Variants in GOLGA2 observed in about 807,000 individuals in gnomAD.
GOLGA2 encodes the protein golgin subfamily A member 2.
GOLGA2 carries 49 observed loss-of-function variants against 148.8 expected under a neutral mutation model. The ratio of observed to expected loss-of-function variants is 0.33; its 90% confidence interval spans 0.26 to 0.42. The LOEUF is 0.42. GOLGA2 is among the 10% of genes least tolerant of loss of function. The pLI, the probability that GOLGA2 is intolerant of heterozygous loss-of-function variation, is 1.00. For synonymous variants in GOLGA2, 501 were observed against 511.8 expected (o/e 0.98, Z 0.28); for missense variants, 1,178 against 1,304.6 (o/e 0.90, Z 1.49).
chr9:128,267,254 C>T lies in GOLGA2; in HGVS notation c.582G>A (p.Ala194=), dbSNP rs768113142. 8 of 1,610,422 alleles carry T rather than the reference C, an allele frequency of 5.0e-6. No individual in the cohort carries two copies. Among genetic ancestry groups the T allele is most frequent in the African/African-American group, 1.3e-5 (1 of 74,824 alleles). Residue 194 remains alanine, a synonymous_variant, in exon 8 of 27, where the codon GCG becomes GCA. Coordinates refer to ENST00000611957, the MANE Select transcript of GOLGA2 (RefSeq NM_001366244.2). ...TTACATAGCTGGAGTCCAGGGCTAC[C>T]GCTAGCTGTTGGTACCGGCTCTGAG... ...KDLESRYQQL[A]VALDSSYVTN... is the part of the protein sequence containing the mutation.
chr9:128,275,508 G>A, intron 1 of GOLGA2: 1 of 1,310,998 alleles, frequency 7.6e-7, no homozygotes, highest in Non-Finnish European at 9.8e-7. Context: ...TGAGGGTCGA[G>A]TCTGGAGCGG....
Position 128,265,711 on chromosome 9 carries a change from G to C in GOLGA2, c.827-20C>G, listed in dbSNP as rs1328873786. On this transcript the variant is annotated intron_variant, in intron 11 of 26. Transcript: ENST00000611957. ...ACTCTCCTGGAATGAGAGAGGTTGA[G>C]ATGGGGCCCAAAGGACTCCCCCTAA... 5.6e-6 allele frequency: 9 copies of C among 1,612,194 alleles called. 1 individual carries two copies. In the Middle Eastern group the frequency reaches 4.9e-4, roughly 88 times the overall value.
chr9:128,263,543 A>G (rs942943523), intron 12 of GOLGA2, among the ~76,000 whole-genome samples: 2 of 151,744 alleles, frequency 1.3e-5, no homozygotes, highest in Non-Finnish European at 2.9e-5. Context: ...TCAGCCTCCT[A>G]AGTAGCTGGG....
In GOLGA2 at chr9:128,262,084, C is replaced by CCAACTACTTGAGAGACTA. The variant is rs1436498344; in HGVS notation, c.1135-328_1135-327insTAGTCTCTCAAGTAGTTG. 6 of 298,278 alleles carry CCAACTACTTGAGAGACTA rather than the reference C, an allele frequency of 2.0e-5. No individual in the cohort carries two copies. In the Admixed American group the frequency reaches 2.4e-4, roughly 12 times the overall value. 18.5% of individuals were successfully genotyped at this position (298,278 alleles called of 1,614,324 possible). On this transcript the variant is annotated intron_variant, in intron 14 of 26. Transcript: ENST00000611957. ...GGCATGGTAGTGTGCGCCTGTAGTC[C>CCAACTACTTGAGAGACTA]CAACTACTTGAGAAGCTGAGGCAGG...
At chr9:128,264,180 G>A (rs1830452159) in intron 12 of GOLGA2, among the ~76,000 whole-genome samples, 1 of 150,488 alleles carries the variant, frequency 6.6e-6, no homozygotes, top group African/African-American at 2.4e-5. Flanking sequence ...AAAAGGACTT[G>A]GTAAGGGTGG....
chr9:128,264,897 A>G lies in GOLGA2; in HGVS notation c.933+688T>C, dbSNP rs563197244. Among the ~76,000 whole-genome samples, 13 of 152,306 alleles carry G rather than the reference A, an allele frequency of 8.5e-5. No homozygotes were observed. In the South Asian group the frequency reaches 2.5e-3, roughly 29 times the overall value. ...ACCACCACATGAGACAGTTACTATT[A>G]TTACCTCTATTTTGTAGATGGACAA... On this transcript the variant is annotated intron_variant, in intron 12 of 26. Transcript: ENST00000611957.
Position 128,258,960 on chromosome 9 carries a change from C to T in GOLGA2, c.2173+47G>A, listed in dbSNP as rs758122712. 6 of 1,217,730 alleles carry T rather than the reference C, an allele frequency of 4.9e-6. 1 individual carries two copies. The highest frequency in any genetic ancestry group is 3.4e-5 in the Admixed American group (2 of 59,394). 75.4% of individuals were successfully genotyped at this position (1,217,730 alleles called of 1,614,324 possible). ...CAATTCTACGCTGCTAACAGTCCCC[C>T]CTTCTTCCTGGGGCTCTCTCCTCTT... is the stretch of plus-strand genomic sequence containing the variant. On this transcript the variant is annotated intron_variant, in intron 21 of 26. Transcript: ENST00000611957. This position sits in a 1 kb window ranked among gnomAD's most constrained non-coding sequence, Gnocchi z 6.6.
In GOLGA2 at chr9:128,266,956, T is replaced by A. The variant is rs1830627359; in HGVS notation, c.642+238A>T. On this transcript the variant is annotated intron_variant, in intron 8 of 26. Coordinates refer to ENST00000611957, the MANE Select transcript of GOLGA2 (RefSeq NM_001366244.2). This position sits in a 1 kb window ranked among gnomAD's most constrained non-coding sequence, Gnocchi z 4.2. ...CAAGAGGCAACAACCCCAGGGCGTG[T>A]GTGGCAAGGACTCGAGCAGGGGTGT... 31 of 590,938 alleles carry A rather than the reference T, an allele frequency of 5.2e-5. No homozygotes were observed. In the South Asian group the frequency reaches 6.3e-4, roughly 12 times the overall value. The allele number at this position is 590,938 out of a possible 1,614,324, so 36.6% of individuals were successfully genotyped here.
Position 128,260,388 on chromosome 9 carries a change from G to T in GOLGA2, c.1758+77C>A. ...TACCATTTCAAGTGAGGGCTACACTGCCCCACTTTACAGGTGGGAAAACAA... is the reference window on the plus strand; with the variant it reads ...TACCATTTCAAGTGAGGGCTACACTTCCCCACTTTACAGGTGGGAAAACAA... On this transcript the variant is annotated intron_variant, in intron 18 of 26. Coordinates refer to ENST00000611957, the MANE Select transcript of GOLGA2 (RefSeq NM_001366244.2). The surrounding 1 kb of genome is among the most constrained non-coding windows in gnomAD (Gnocchi z 4.8). The T allele has an allele frequency of 1.6e-6, 2 of 1,241,938 alleles. No individual in the cohort carries two copies. Among genetic ancestry groups the T allele is most frequent in the Non-Finnish European group, 1.2e-6 (1 of 859,164 alleles). 76.9% of individuals were successfully genotyped at this position (1,241,938 alleles called of 1,614,324 possible).
chr9:128,261,005 G>A lies in GOLGA2; in HGVS notation c.1420+167C>T. On this transcript the variant is annotated intron_variant, in intron 17 of 26. Transcript: ENST00000611957. This position sits in a 1 kb window ranked among gnomAD's most constrained non-coding sequence, Gnocchi z 5.7. ...GGGCACTCCTTCGTCTTTGCTGATG[G>A]GGCACTGAGGCTCATGGAGATGACG... 2 of 675,836 alleles carry A rather than the reference G, an allele frequency of 3.0e-6. No individual in the cohort carries two copies. Among genetic ancestry groups the A allele is most frequent in the Admixed American group, 5.0e-5 (2 of 40,094 alleles). 41.9% of individuals were successfully genotyped at this position (675,836 alleles called of 1,614,324 possible). A position where few individuals can be genotyped will look rare whatever the true frequency, so the allele number is the denominator to read the frequency against.
At position 128,257,287 on chromosome 9, in the gene GOLGA2, G is replaced by C. The variant is rs779583685; in HGVS notation, c.2876-6C>G. 1 of 1,612,018 alleles carries C rather than the reference G, an allele frequency of 6.2e-7. No homozygotes were observed. The highest frequency in any genetic ancestry group is 2.2e-5 in the East Asian group (1 of 44,866). On this transcript the variant is annotated splice_region_variant and splice_polypyrimidine_tract_variant and intron_variant, in intron 26 of 26. Transcript: ENST00000611957. The surrounding 1 kb of genome is among the most constrained non-coding windows in gnomAD (Gnocchi z 8.0). ...GAGGCTCACCTCGCAAAGATCTTTGGAGAGAGAGAGGCAGGGCTCTGAGTG... is the reference window on the plus strand; with the variant it reads ...GAGGCTCACCTCGCAAAGATCTTTGCAGAGAGAGAGGCAGGGCTCTGAGTG...
chr9:128,257,074 A>G lies in GOLGA2; in HGVS notation c.3083T>C (p.Val1028Ala). The G allele has an allele frequency of 6.2e-7, 1 of 1,611,464 alleles. No homozygotes were observed. Among genetic ancestry groups the G allele is most frequent in the Non-Finnish European group, 8.5e-7 (1 of 1,178,028 alleles). ...GCTGACAGTAGCCGGCTTTTAGATGACAGTGATCTTCACCTCATCATTCTC... is the reference window on the plus strand; with the variant it reads ...GCTGACAGTAGCCGGCTTTTAGATGGCAGTGATCTTCACCTCATCATTCTC... ...ADENDEVKIT[V>A]I The change falls in exon 27 of 27, where the codon GTC (valine) becomes GCC (alanine). Residue 1028 changes from valine to alanine, a missense_variant. Transcript: ENST00000611957. The surrounding 1 kb of genome is among the most constrained non-coding windows in gnomAD (Gnocchi z 8.0).
intron 12 of GOLGA2, among the ~76,000 whole-genome samples, chr9:128,264,938 G>GT (rs1830505172): frequency 6.6e-6 from 1 of 152,134 alleles, no homozygotes; most frequent in African/African-American, 2.4e-5. Context: ...AATATTAGAG[G>GT]TTAAGTGCTT....
rs756948826 is a variant in GOLGA2 at position 128,260,219 on chromosome 9, C to G, written c.1759-30G>C. 40 of 1,514,418 alleles carry G rather than the reference C, an allele frequency of 2.6e-5. No homozygotes were observed. The highest frequency in any genetic ancestry group is 3.5e-5 in the Non-Finnish European group (39 of 1,099,304). 93.8% of individuals were successfully genotyped at this position (1,514,418 alleles called of 1,614,324 possible). The stretch of plus-strand genomic sequence containing the variant: ...ACAGAGAGAAGCAATCAGCGGCCAC[C>G]CACTGCAGCTGGAGACCCCAGAACT... On this transcript the variant is annotated intron_variant, in intron 18 of 26. Transcript: ENST00000611957. This position sits in a 1 kb window ranked among gnomAD's most constrained non-coding sequence, Gnocchi z 4.8.
Position 128,263,079 on chromosome 9 carries a change from A to G in GOLGA2, c.947T>C (p.Leu316Ser). 4.4e-6 allele frequency: 7 copies of G among 1,608,134 alleles called. No individual in the cohort carries two copies. Among genetic ancestry groups the G allele is most frequent in the Non-Finnish European group, 6.0e-6 (7 of 1,174,914 alleles). ...QKKADRYNKE[L>S]TKERDALRLE... ...CCTGAGGGCGTCTCTCTCTTTGGTT[A>G]ACTCCTTGTTGTACTGTAAATACAG... The change falls in exon 13 of 27, where the codon TTA becomes TCA. Residue 316 changes from leucine to serine, a missense_variant. By Grantham distance (145) the Leu-to-Ser change is moderately radical. Around this residue, in one of 5 missense-constraint regions of GOLGA2, gnomAD observed 304 missense variants for 404.1 expected, o/e 0.75. Transcript: ENST00000611957.
At position 128,265,595 on chromosome 9, in the gene GOLGA2, T is replaced by G. The variant is rs1196537941; in HGVS notation, c.923A>C (p.Lys308Thr). The G allele has an allele frequency of 6.2e-7, 1 of 1,612,256 alleles. No individual in the cohort carries two copies. The highest frequency in any genetic ancestry group is 1.1e-5 in the South Asian group (1 of 91,048). The change falls in exon 12 of 27, where the codon AAG becomes ACG. Residue 308 changes from lysine (K) to threonine (T), a missense_variant. Lys to Thr is a moderately conservative substitution (Grantham distance 78). Transcript: ENST00000611957. ...GGCAGTTGGACTCACCCTGTCTGCC[T>G]TCTTCTGCTGCGTGGAGACAGCAGA... ...ALSAVSTQQK[K>T]ADRYNKELTK... is the part of the protein sequence containing the mutation.
At chr9:128,275,417 G>A in intron 1 of GOLGA2, 1 of 1,293,790 alleles carries the variant, frequency 7.7e-7, no homozygotes, top group Non-Finnish European at 9.8e-7. Flanking sequence ...GATGGGGGAG[G>A]GGACCGCAGG....
At chr9:128,267,812 T>C in intron 6 of GOLGA2, 122 bp downstream of exon 6, 2 of 828,022 alleles carry the variant, frequency 2.4e-6, no homozygotes, top group African/African-American at 1.7e-5. Context: ...GGCGACTTCC[T>C]TAACATTGCC....
At position 128,260,932 on chromosome 9, in the gene GOLGA2, A is replaced by G. The variant is rs559798788; in HGVS notation, c.1421-130T>C. On this transcript the variant is annotated intron_variant, in intron 17 of 26. Transcript: ENST00000611957. The surrounding 1 kb of genome is among the most constrained non-coding windows in gnomAD (Gnocchi z 4.8). The stretch of plus-strand genomic sequence containing the variant: ...ATTCCTCGCACCCGGATGTTAGCCA[A>G]TCTTCCAAACCACTTTCCGATAGCG... 1.9e-5 allele frequency: 14 copies of G among 722,796 alleles called. No homozygotes were observed. Among genetic ancestry groups the G allele is most frequent in the Admixed American group, 5.5e-5 (2 of 36,292 alleles). 44.8% of individuals were successfully genotyped at this position (722,796 alleles called of 1,614,324 possible).
Sources: allele counts gnomAD v4.1 joint callset (sites outside exome capture counted in the v4.1 genomes callset), GRCh38; gene constraint gnomAD v4.1.1; regional missense constraint gnomAD v4.1.1; non-coding constraint Gnocchi (gnomAD v3.1); transcripts MANE v1.5; gene names NCBI Gene and HGNC (gene_info 2026-07-23, HGNC 2026-07-21).